AKAP9: variants seen among roughly 807,000 people sequenced by gnomAD.
AKAP9 encodes A-kinase anchor protein 9.
AKAP9 carries 311 observed loss-of-function variants against 488.5 expected under a neutral mutation model. The observed-to-expected ratio is 0.64, with a 90% confidence interval of 0.58 to 0.70. The LOEUF (loss-of-function observed/expected upper bound fraction) is 0.70. AKAP9 is among the 30% of genes least tolerant of loss of function. The pLI, the probability that AKAP9 is intolerant of heterozygous loss-of-function variation, is 0.00. For missense variants in AKAP9, 4,215 were observed against 4,374.5 expected (o/e 0.96, Z 1.03); for synonymous variants, 1,462 against 1,483.5 (o/e 0.99, Z 0.33).
chr7:92,009,795 T>C (rs191398294), intron 8 of AKAP9, among the ~76,000 whole-genome samples: 1 of 152,350 alleles, frequency 6.6e-6, no homozygotes, highest in Non-Finnish European at 1.5e-5. Flanking sequence ...AATGGAAGAA[T>C]AGTTCAACAT....
Position 92,097,194 on chromosome 7 carries a change from T to TG in AKAP9, c.10237dup (p.Glu3413GlyfsTer16). On this transcript the variant is annotated frameshift_variant, in exon 41 of 50. Transcript: ENST00000356239. LOFTEE classifies it high-confidence loss of function. ...AAAATGCATGAGCTCCAGTCCAAAG[T>TG]GGAAGATCTTCAGCGCCAGCTGGAA... 6.2e-7 allele frequency: 1 copy of TG among 1,613,050 alleles called. No individual in the cohort carries two copies. The highest frequency in any genetic ancestry group is 8.5e-7 in the Non-Finnish European group (1 of 1,179,716).
At chr7:92,089,680 A>G (rs1452760990) in intron 38 of AKAP9, 151 bp downstream of exon 38, 3 of 883,596 alleles carry the variant, frequency 3.4e-6, no homozygotes, top group Non-Finnish European at 3.5e-6. Context: ...TATATTAATT[A>G]CTCTAGGGGT....
At chr7:92,042,542 G>A in intron 19 of AKAP9, 126 bp from the exon 20 acceptor site, 1 of 683,090 alleles carries the variant, frequency 1.5e-6, no homozygotes, top group East Asian at 2.7e-5. Context: ...ATACCAACCA[G>A]TATCAATTTT....
intron 31 of AKAP9, among the ~76,000 whole-genome samples, chr7:92,081,843 G>T (rs1385334099): frequency 6.6e-6 from 1 of 151,938 alleles, no homozygotes; most frequent in Non-Finnish European, 1.5e-5. Context: ...CCAAACACCA[G>T]AAGATTAACT....
chr7:92,003,950 A>G (rs1220509933), intron 8 of AKAP9, among the ~76,000 whole-genome samples: 1 of 152,178 alleles, frequency 6.6e-6, no homozygotes, highest in African/African-American at 2.4e-5. Context: ...TAACATATTT[A>G]TTGACTCTCT....
chr7:92,085,664 T>C lies in AKAP9; in HGVS notation c.9002T>C (p.Met3001Thr), dbSNP rs1443488571. Reference protein sequence around the residue: ...ISSLKDLITKMQLQREAEVYD... With the variant: ...ISSLKDLITKTQLQREAEVYD... ...TCTCTAAAGGATTTAATTACAAAGA[T>C]GCAACTGCAAAGAGAAGCCGAGGTA... Residue 3001 changes from methionine (M) to threonine (T), a missense_variant, in exon 36 of 50, where the codon ATG becomes ACG. By Grantham distance (81) the Met-to-Thr change is moderately conservative (BLOSUM62 -1). Transcript: ENST00000356239. 1.2e-6 allele frequency: 2 copies of C among 1,613,190 alleles called. No homozygotes were observed. Among genetic ancestry groups the C allele is most frequent in the Admixed American group, 3.3e-5 (2 of 59,930 alleles).
At position 91,943,252 on chromosome 7, in the gene AKAP9, G is replaced by A. The variant is rs566448120; in HGVS notation, c.48+2105G>A. On this transcript the variant is annotated intron_variant, in intron 1 of 49. Coordinates refer to ENST00000356239, the MANE Select transcript of AKAP9 (RefSeq NM_005751.5). ...TGGAAATAACTTTTAAAGACAACAC[G>A]AAGGGAATCATTTTCTAAGTTATAT... Among the ~76,000 whole-genome samples the A allele has an allele frequency of 1.5e-4, 23 of 152,066 alleles. No homozygotes were observed. In the East Asian group the frequency reaches 4.5e-3, roughly 29 times the overall value.
intron 2 of AKAP9, among the ~76,000 whole-genome samples, chr7:91,974,885 C>T (rs1562920786): frequency 6.6e-6 from 1 of 151,852 alleles, no homozygotes; most frequent in African/African-American, 2.4e-5. Flanking sequence ...GGTTCTCACT[C>T]TGTCACCGAG....
At chr7:92,094,465 G>A (rs998843941) in intron 39 of AKAP9, among the ~76,000 whole-genome samples, 1 of 151,758 alleles carries the variant, frequency 6.6e-6, no homozygotes, top group Non-Finnish European at 1.5e-5. Flanking sequence ...CCCGGGAGGC[G>A]GAGGTTACAG....
chr7:92,098,005 A>G (rs1816908080), intron 42 of AKAP9, 104 bp from the exon 43 acceptor site: 1 of 877,346 alleles, frequency 1.1e-6, no homozygotes, highest in Admixed American at 2.0e-5. Context: ...GATATAAGGG[A>G]GAAGTGATAG....
At chr7:92,066,372 A>G in intron 25 of AKAP9, 55 bp from the exon 26 acceptor site, 1 of 1,598,544 alleles carries the variant, frequency 6.3e-7, no homozygotes, top group Non-Finnish European at 8.6e-7. Context: ...AAGAAATAAT[A>G]GCTTCTCTAA....
chr7:92,042,321 G>GT, intron 19 of AKAP9, 135 bp downstream of exon 19: 2 of 1,162,104 alleles, frequency 1.7e-6, no homozygotes, highest in Admixed American at 3.8e-5. Context: ...TGTGTGTAAG[G>GT]TAGGTGGAGT....
In AKAP9 at chr7:92,065,419, C is replaced by A; in HGVS notation, c.6166C>A (p.Gln2056Lys). 6.2e-7 allele frequency: 1 copy of A among 1,611,954 alleles called. No homozygotes were observed. Among genetic ancestry groups the A allele is most frequent in the South Asian group, 1.1e-5 (1 of 90,774 alleles). Residue 2056 changes from glutamine (Q) to lysine (K), a missense_variant, in exon 25 of 50, where the codon CAA (glutamine) becomes AAA (lysine). Gln to Lys is a moderately conservative substitution (Grantham distance 53). Transcript: ENST00000356239. Reference protein sequence around the residue: ...TELMDLRQQNQALEKQLEKMR... With the variant: ...TELMDLRQQNKALEKQLEKMR... ...ACTAATGGATTTAAGACAGCAAAAC[C>A]AAGCATTGGAAAAGCAGTTAGAAAA...
intron 1 of AKAP9, among the ~76,000 whole-genome samples, chr7:91,961,176 T>C (rs1442819100): frequency 6.6e-6 from 1 of 152,118 alleles, no homozygotes; most frequent in South Asian, 2.1e-4. Context: ...CTTTTTTTTT[T>C]TGAGACGGAG....
intron 31 of AKAP9, 27 bp from the exon 32 acceptor site, chr7:92,082,495 G>T: frequency 6.2e-7 from 1 of 1,610,554 alleles, no homozygotes; most frequent in Non-Finnish European, 8.5e-7. Flanking sequence ...TAAATTATGT[G>T]TTTCTTGTGT....
chr7:91,964,921 A>G (rs1430134778), intron 1 of AKAP9, among the ~76,000 whole-genome samples: 6 of 152,198 alleles, frequency 3.9e-5, no homozygotes, highest in African/African-American at 1.4e-4. Context: ...TTGTTATGTA[A>G]TGTATATATT....
At position 92,079,408 on chromosome 7, in the gene AKAP9, G is replaced by T; in HGVS notation, c.7275G>T (p.Gln2425His). The change falls in exon 31 of 50, where the codon CAG becomes CAT. Residue 2425 changes from glutamine to histidine, a missense_variant. By Grantham distance (24) the Gln-to-His change is conservative. This residue lies in a region of AKAP9 where 1,476 missense variants were observed against 1,477.4 expected (regional missense o/e 1.00). Coordinates refer to ENST00000356239, the MANE Select transcript of AKAP9 (RefSeq NM_005751.5). ...AAGAAACCAATTTTAAAATGAATCA[G>T]CTAACACAGGAATTATTCAGCTTAA... Reference protein sequence around the residue: ...VLKETNFKMNQLTQELFSLKR... With the variant: ...VLKETNFKMNHLTQELFSLKR... 2 of 1,614,024 alleles carry T rather than the reference G, an allele frequency of 1.2e-6. No individual in the cohort carries two copies. Among genetic ancestry groups the T allele is most frequent in the East Asian group, 4.5e-5 (2 of 44,842 alleles).
rs886062464 is a variant in AKAP9 at position 91,940,993 on chromosome 7, C to T, written c.-107C>T. ...GGGGGAGCGCCGGACCGAATCGGCT[C>T]TCTAGGCCGTGGAGCTTGCCGTCCC... On this transcript the variant is annotated 5_prime_UTR_variant, in exon 1 of 50. Transcript: ENST00000356239. 5.4e-5 allele frequency: 65 copies of T among 1,210,818 alleles called. No individual in the cohort carries two copies. Among genetic ancestry groups the T allele is most frequent in the Admixed American group, 2.7e-4 (16 of 59,372 alleles). The allele number at this position is 1,210,818 out of a possible 1,614,324, so 75.0% of individuals were successfully genotyped here.
At chr7:91,984,486 T>C (rs1328255965) in intron 3 of AKAP9, among the ~76,000 whole-genome samples, 1 of 152,196 alleles carries the variant, frequency 6.6e-6, no homozygotes, top group Non-Finnish European at 1.5e-5. Flanking sequence ...TCCATTGGTC[T>C]ATATCTCTGT....
Sources: allele counts gnomAD v4.1 joint callset (sites outside exome capture counted in the v4.1 genomes callset), GRCh38; gene constraint gnomAD v4.1.1; regional missense constraint gnomAD v4.1.1; transcripts MANE v1.5; gene names NCBI Gene and HGNC (gene_info 2026-07-23, HGNC 2026-07-21).